Variants in CRTAC1 observed in about 807,000 individuals in gnomAD.
The protein encoded by CRTAC1 is acidic secreted protein in cartilage.
CRTAC1 carries 37 observed loss-of-function variants against 67.8 expected under a neutral mutation model. The ratio of observed to expected loss-of-function variants is 0.55; its 90% confidence interval spans 0.42 to 0.72. The LOEUF (loss-of-function observed/expected upper bound fraction) is 0.72. Ranked by LOEUF, CRTAC1 falls within the 30% of genes least tolerant of loss-of-function variation. The pLI is 0.00. For synonymous variants in CRTAC1, 348 were observed against 371.0 expected (o/e 0.94, Z 0.71); for missense variants, 780 against 931.6 (o/e 0.84, Z 2.12).
At chr10:97,904,444 T>C (rs1178586758) in intron 7 of CRTAC1, among the ~76,000 whole-genome samples, 5 of 152,082 alleles carry the variant, frequency 3.3e-5, no homozygotes, top group Admixed American at 1.3e-4. Flanking sequence ...TTATTTGAGA[T>C]GGAGTCTCGC....
At chr10:98,028,614 T>A (rs986015085) in intron 1 of CRTAC1, among the ~76,000 whole-genome samples, 2 of 152,132 alleles carry the variant, frequency 1.3e-5, no homozygotes, top group African/African-American at 4.8e-5. Flanking sequence ...TACCAAGGAA[T>A]AAACACCAGG....
chr10:98,002,872 G>A (rs553352533), intron 2 of CRTAC1, among the ~76,000 whole-genome samples: 13 of 137,766 alleles, frequency 9.4e-5, no homozygotes, highest in African/African-American at 3.0e-4. Flanking sequence ...TCCGCCTCCC[G>A]GGTTCATGCC....
chr10:97,947,326 T>C (rs1475162644), intron 2 of CRTAC1, among the ~76,000 whole-genome samples: 2 of 152,186 alleles, frequency 1.3e-5, no homozygotes, highest in Non-Finnish European at 2.9e-5. Flanking sequence ...AATCCCAAGC[T>C]TTCAGAGGGC....
chr10:97,898,687 G>A (rs571875168), intron 8 of CRTAC1, among the ~76,000 whole-genome samples: 4 of 152,180 alleles, frequency 2.6e-5, no homozygotes, highest in Admixed American at 6.5e-5. Context: ...CATTTTCAAC[G>A]GCTCTGTCTG....
chr10:98,002,867 C>T (rs1041028492), intron 2 of CRTAC1, among the ~76,000 whole-genome samples: 5 of 146,160 alleles, frequency 3.4e-5, no homozygotes, highest in African/African-American at 1.3e-4. Flanking sequence ...CAAGCTCCGC[C>T]TCCCGGGTTC....
At chr10:97,925,617 AGT>A (rs1451204065) in intron 3 of CRTAC1, among the ~76,000 whole-genome samples, 1 of 130,000 alleles carries the variant, frequency 7.7e-6, no homozygotes. Flanking sequence ...GATGAGTGAG[AGT>A]GAGTGTGAGG....
intron 14 of CRTAC1, chr10:97,879,860 C>CTTGGGCAAATTTTGAGGGGGGGGGGGGGG: frequency 4.7e-6 from 1 of 213,278 alleles, no homozygotes; most frequent in Non-Finnish European, 8.7e-6. Flanking sequence ...GGGGTGGGGA[C>CTTGGGCAAATTTTGAGGGGGGGGGGGGGG]GGGGTGGGGG....
chr10:98,017,290 G>T (rs990153164), intron 1 of CRTAC1, among the ~76,000 whole-genome samples: 1 of 152,184 alleles, frequency 6.6e-6, no homozygotes, highest in African/African-American at 2.4e-5. Flanking sequence ...GCAGCCATGT[G>T]ATCTCAGGTG....
intron 2 of CRTAC1, among the ~76,000 whole-genome samples, chr10:97,963,231 C>A (rs2051556738): frequency 6.6e-6 from 1 of 152,124 alleles, no homozygotes; most frequent in Non-Finnish European, 1.5e-5. Flanking sequence ...GTGCTTGTGT[C>A]ATCTTTGTTT....
At position 97,888,431 on chromosome 10, in the gene CRTAC1, G is replaced by A. The variant is rs993543224; in HGVS notation, c.1487-4080C>T. 8.5e-5 allele frequency among the ~76,000 whole-genome samples: 13 copies of A among 152,182 alleles called. No individual in the cohort carries two copies. The East Asian group carries it at 2.5e-3, about 29-fold the overall frequency. ...AGGGTAAGTTGTAGCTGAAGATCGG[G>A]AAGAAGTTCAGAGCGGGAAAGAGTG... On this transcript the variant is annotated intron_variant, in intron 11 of 14. Transcript: ENST00000370597.
At chr10:97,973,334 C>T (rs943793347) in intron 2 of CRTAC1, among the ~76,000 whole-genome samples, 4 of 152,126 alleles carry the variant, frequency 2.6e-5, no homozygotes, top group Non-Finnish European at 5.9e-5. Context: ...TACGCCTGGG[C>T]CTCCATGCCA....
chr10:97,893,786 T>C (rs945298978), intron 11 of CRTAC1, among the ~76,000 whole-genome samples: 6 of 152,026 alleles, frequency 3.9e-5, no homozygotes, highest in African/African-American at 1.4e-4. Flanking sequence ...CAACCACCAA[T>C]CTGTTTTCCG....
rs1486167991 is a variant in CRTAC1 at position 97,999,320 on chromosome 10, A to G, written c.224+11818T>C. 5.9e-5 allele frequency among the ~76,000 whole-genome samples: 9 copies of G among 152,190 alleles called. 1 individual carries two copies. The highest frequency in any genetic ancestry group is 5.2e-4 in the Admixed American group (8 of 15,282). ...GGCCCCCTTGCCCTCACAGGCTCAG[A>G]AGTGCCTGCCCCTGAGACCTGGCTT... is the stretch of plus-strand genomic sequence containing the variant. On this transcript the variant is annotated intron_variant, in intron 2 of 14. Coordinates refer to ENST00000370597, the MANE Select transcript of CRTAC1 (RefSeq NM_018058.7).
At chr10:97,903,755 C>T (rs1280626118) in intron 7 of CRTAC1, among the ~76,000 whole-genome samples, 1 of 152,122 alleles carries the variant, frequency 6.6e-6, no homozygotes, top group African/African-American at 2.4e-5. Flanking sequence ...GAGAAAGTTC[C>T]AAACCCATGC....
At chr10:97,957,573 G>A (rs1262428381) in intron 2 of CRTAC1, among the ~76,000 whole-genome samples, 2 of 152,150 alleles carry the variant, frequency 1.3e-5, no homozygotes, top group African/African-American at 4.8e-5. Flanking sequence ...CAGCTGGAAA[G>A]TAGCAGAGCC....
At chr10:98,016,538 T>C (rs1435775191) in intron 1 of CRTAC1, among the ~76,000 whole-genome samples, 1 of 152,064 alleles carries the variant, frequency 6.6e-6, no homozygotes. Context: ...CCCAGGAAGT[T>C]GTCAGGTGAT....
intron 2 of CRTAC1, among the ~76,000 whole-genome samples, chr10:97,958,755 C>T (rs1486426212): frequency 6.6e-6 from 1 of 152,188 alleles, no homozygotes; most frequent in Non-Finnish European, 1.5e-5. Context: ...GTCCTTAACC[C>T]CTGATCAGCT....
intron 1 of CRTAC1, among the ~76,000 whole-genome samples, chr10:98,022,693 A>T (rs1267189177): frequency 1.3e-5 from 2 of 152,096 alleles, no homozygotes; most frequent in African/African-American, 4.8e-5. Flanking sequence ...GGGCCTGGAG[A>T]GCCTGCTATG....
At chr10:97,917,078 G>A (rs981310608) in intron 5 of CRTAC1, among the ~76,000 whole-genome samples, 1 of 152,224 alleles carries the variant, frequency 6.6e-6, no homozygotes, top group Non-Finnish European at 1.5e-5. Flanking sequence ...TTATGTGTAA[G>A]TAAATAATTT....
Sources: allele counts gnomAD v4.1 joint callset (sites outside exome capture counted in the v4.1 genomes callset), GRCh38; gene constraint gnomAD v4.1.1; transcripts MANE v1.5; gene names NCBI Gene and HGNC (gene_info 2026-07-23, HGNC 2026-07-21).